The following EFCAB13 variants were observed in gnomAD, a reference collection of about 807,000 sequenced individuals.
The protein encoded by EFCAB13 is EF-hand calcium binding domain 13.
Under a neutral mutation model 110.2 loss-of-function variants are expected in EFCAB13, and 91 were observed. The observed-to-expected ratio is 0.83, with a 90% CI of 0.70 to 0.98. The LOEUF is 0.98. Among genes scored for constraint, EFCAB13 ranks in the 50% least tolerant of loss-of-function variants. The probability of loss-of-function intolerance (pLI) is 0.00; values close to 1 mark genes in which losing one functional copy is unlikely to be tolerated. For synonymous variants in EFCAB13, 323 were observed against 369.9 expected (o/e 0.87, Z 1.45); for missense variants, 968 against 1,119.4 (o/e 0.86, Z 1.93).
intron 12 of EFCAB13, among the ~76,000 whole-genome samples, chr17:47,376,736 TC>T (rs1313883962): frequency 2.0e-5 from 3 of 152,358 alleles, no homozygotes. Flanking sequence ...CCATGAATGT[TC>T]TTTTTCAATT....
At chr17:47,335,166 A>G (rs191412634) in intron 4 of EFCAB13, 30 bp from the exon 5 acceptor site, 9 of 1,562,804 alleles carry the variant, frequency 5.8e-6, no homozygotes, top group Admixed American at 2.0e-5. Flanking sequence ...CAAAGAGGAC[A>G]TGCTTGATTG....
At chr17:47,356,323 A>G (rs1783173800) in intron 9 of EFCAB13, among the ~76,000 whole-genome samples, 2 of 152,274 alleles carry the variant, frequency 1.3e-5, no homozygotes, top group South Asian at 2.1e-4. Context: ...TGGGTAGACT[A>G]TATCAGAGGG....
chr17:47,369,683 A>G (rs956770761), intron 10 of EFCAB13: 1 of 152,306 alleles, frequency 6.6e-6, no homozygotes, highest in African/African-American at 2.4e-5. Flanking sequence ...AAAAACCATC[A>G]CTATTATAGA....
At chr17:47,397,031 C>T (rs1273562604) in intron 17 of EFCAB13, among the ~76,000 whole-genome samples, 2 of 147,702 alleles carry the variant, frequency 1.4e-5, no homozygotes, top group South Asian at 2.3e-4. Flanking sequence ...TCCCCCTCCC[C>T]CTCCCCCTCC....
chr17:47,398,129 C>A (rs1205487831), intron 17 of EFCAB13, among the ~76,000 whole-genome samples: 2 of 123,828 alleles, frequency 1.6e-5, no homozygotes, highest in Admixed American at 8.6e-5. Flanking sequence ...TCAGCCCCCC[C>A]CTGGCCAGCC....
intron 14 of EFCAB13, among the ~76,000 whole-genome samples, chr17:47,390,363 GT>G (rs1434497305): frequency 1.4e-5 from 2 of 148,020 alleles, no homozygotes; most frequent in African/African-American, 4.9e-5. Flanking sequence ...CTCTCTCTCT[GT>G]GTTTTTTCAT....
intron 24 of EFCAB13, among the ~76,000 whole-genome samples, chr17:47,433,811 A>G (rs917078250): frequency 6.6e-6 from 1 of 152,142 alleles, no homozygotes; most frequent in Non-Finnish European, 1.5e-5. Context: ...CTTTAAATCT[A>G]CCATTTTACT....
Position 47,335,343 on chromosome 17 carries a change from G to T in EFCAB13, c.178G>T (p.Glu60Ter). The T allele has an allele frequency of 6.3e-7, 1 of 1,584,950 alleles. No individual in the cohort carries two copies. Among genetic ancestry groups the T allele is most frequent in the African/African-American group, 1.4e-5 (1 of 73,018 alleles). The change falls in exon 5 of 25, where the codon GAA becomes TAA. Residue 60 changes from glutamate (E) to a stop codon, truncating the protein, a stop_gained. Transcript: ENST00000331493. LOFTEE classifies it high-confidence loss of function. ...ISPEIRSLSPEYKKIFETSII... is the reference protein window; with the variant it reads ...ISPEIRSLSP Reference sequence around the variant, plus strand: ...ACCGGAAATTAGGAGTTTGAGCCCAGAATATAAAAAAATGTAAGTTAAAAA... The same window carrying T: ...ACCGGAAATTAGGAGTTTGAGCCCATAATATAAAAAAATGTAAGTTAAAAA...
intron 24 of EFCAB13, among the ~76,000 whole-genome samples, chr17:47,438,752 T>C (rs191060011): frequency 6.6e-6 from 1 of 152,284 alleles, no homozygotes; most frequent in East Asian, 1.9e-4. Flanking sequence ...GGTCCCTCCC[T>C]GATTAGCTTA....
intron 20 of EFCAB13, chr17:47,409,424 T>A: frequency 2.2e-6 from 1 of 463,016 alleles, no homozygotes; most frequent in Non-Finnish European, 4.0e-6. Context: ...ATTTAAGGAG[T>A]TGGTGGAAGA....
At chr17:47,364,822 G>T (rs1166142753) in intron 10 of EFCAB13, among the ~76,000 whole-genome samples, 1 of 152,172 alleles carries the variant, frequency 6.6e-6, no homozygotes, top group African/African-American at 2.4e-5. Context: ...ACAGGGCCTT[G>T]TGGGTTCTGG....
chr17:47,328,022 G>A (rs2065297277), intron 3 of EFCAB13: 1 of 458,226 alleles, frequency 2.2e-6, no homozygotes, highest in Non-Finnish European at 3.8e-6. Flanking sequence ...GGATTTCTCA[G>A]CTTTGTATGC....
Position 47,429,863 on chromosome 17 carries a change from T to C in EFCAB13, c.2540T>C (p.Leu847Pro). The change falls in exon 24 of 25, where the codon CTA becomes CCA. Residue 847 changes from leucine (L) to proline (P), a missense_variant. Physicochemically the swap from Leu to Pro is moderately conservative, Grantham distance 98. Transcript: ENST00000331493. ...ACTACCCAAATTCTCCAGAATGATC[T>C]AGTTGATGTCTCTGACCTCAAGACA... is the stretch of plus-strand genomic sequence containing the variant. ...LATTQILQND[L>P]VDVSDLKTLL... is the part of the protein sequence containing the mutation. 6.2e-7 allele frequency: 1 copy of C among 1,612,186 alleles called. No homozygotes were observed. The highest frequency in any genetic ancestry group is 8.5e-7 in the Non-Finnish European group (1 of 1,178,756).
intron 5 of EFCAB13, among the ~76,000 whole-genome samples, chr17:47,337,172 G>A (rs1041670478): frequency 6.6e-6 from 1 of 152,172 alleles, no homozygotes; most frequent in Non-Finnish European, 1.5e-5. Context: ...GTCGTGGGAG[G>A]TTAGGAAGAA....
chr17:47,339,438 C>A (rs1247409001), intron 5 of EFCAB13, among the ~76,000 whole-genome samples: 1 of 152,030 alleles, frequency 6.6e-6, no homozygotes, highest in Non-Finnish European at 1.5e-5. Flanking sequence ...CATAAGGAGG[C>A]AAAACCTAGA....
chr17:47,353,497 T>G (rs62076460), intron 9 of EFCAB13, among the ~76,000 whole-genome samples: 3,426 of 152,130 alleles, frequency 0.023, 48 homozygotes, highest in Middle Eastern at 0.071. Flanking sequence ...GGTTTTACCA[T>G]GTTGGCCAGG....
intron 23 of EFCAB13, 76 bp downstream of exon 23, chr17:47,414,995 C>T (rs992347059): frequency 8.5e-6 from 9 of 1,063,762 alleles, no homozygotes; most frequent in Non-Finnish European, 1.2e-5. Flanking sequence ...ATGAAAGGTC[C>T]AACAGTGATA....
Position 47,374,941 on chromosome 17 carries a change from G to C in EFCAB13, c.1347G>C (p.Thr449=). ...HSSLQKQVSS[T]EKTAISTLEN... ...GTCTCCAAAAACAGGTTTCGTCTACGGAAAAAACTGCAATTAGTACTCTGG... is the reference window on the plus strand; with the variant it reads ...GTCTCCAAAAACAGGTTTCGTCTACCGAAAAAACTGCAATTAGTACTCTGG... Residue 449 remains threonine, a synonymous_variant, in exon 12 of 25, where the codon ACG becomes ACC. Transcript: ENST00000331493. The C allele has an allele frequency of 6.3e-7, 1 of 1,579,436 alleles. No individual in the cohort carries two copies.
At chr17:47,380,293 A>G (rs959543796) in intron 14 of EFCAB13, among the ~76,000 whole-genome samples, 2 of 150,030 alleles carry the variant, frequency 1.3e-5, no homozygotes, top group South Asian at 4.2e-4. Context: ...ATGTGTTCTC[A>G]TTGTTCAACT....
Sources: allele counts gnomAD v4.1 joint callset (sites outside exome capture counted in the v4.1 genomes callset), GRCh38; gene constraint gnomAD v4.1.1; transcripts MANE v1.5; gene names NCBI Gene and HGNC (gene_info 2026-07-23, HGNC 2026-07-21).